CAMKK2: variants seen among roughly 807,000 people sequenced by gnomAD.
CAMKK2 encodes calcium/calmodulin-dependent protein kinase kinase 2.
CAMKK2 carries 30 observed loss-of-function variants against 67.2 expected under a neutral mutation model. The observed-to-expected ratio is 0.45, with a 90% CI of 0.33 to 0.61. CAMKK2 has a LOEUF of 0.61. Among genes scored for constraint, CAMKK2 ranks in the 20% least tolerant of loss-of-function variants. The pLI is 0.02. For missense variants in CAMKK2, 643 were observed against 802.0 expected, an observed-to-expected ratio of 0.80 and a Z score of 2.39; for synonymous variants, 322 against 326.2, an observed-to-expected ratio of 0.99 and a Z score of 0.14.
Position 121,289,915 on chromosome 12 carries a change from G to C in CAMKK2, c.-60+6723C>G, listed in dbSNP as rs559937905. Among the ~76,000 whole-genome samples, 112 of 133,414 alleles carry C rather than the reference G, an allele frequency of 8.4e-4. 1 individual carries two copies. The highest frequency in any genetic ancestry group is 3.6e-3 in the Middle Eastern group (1 of 276). 87.5% of individuals were successfully genotyped at this position (133,414 alleles called of 152,430 possible). A position where few individuals can be genotyped will look rare whatever the true frequency, so the allele number is the denominator to read the frequency against. Reference sequence around the variant, plus strand: ...CTTTAAAAAAAAAAAAAAAAAAGGCGGGGCGGGGAGCCAAGGGAGGCCTAA... The same window carrying C: ...CTTTAAAAAAAAAAAAAAAAAAGGCCGGGCGGGGAGCCAAGGGAGGCCTAA... On this transcript the variant is annotated intron_variant, in intron 1 of 16. Transcript: ENST00000404169.
chr12:121,273,004 G>A (rs1428427978), intron 2 of CAMKK2, among the ~76,000 whole-genome samples: 1 of 152,178 alleles, frequency 6.6e-6, no homozygotes, highest in Non-Finnish European at 1.5e-5. Flanking sequence ...GCTAGGCTCT[G>A]GGGATGGGAT....
Position 121,240,495 on chromosome 12 carries a change from G to A in CAMKK2, c.*204C>T, listed in dbSNP as rs143403727. On this transcript the variant is annotated 3_prime_UTR_variant, in exon 17 of 17. Transcript: ENST00000404169. The surrounding 1 kb of genome is among the most constrained non-coding windows in gnomAD (Gnocchi z 4.4). ...ACACCCGCCTGTCCAGCCAGCCAGCGGCCACGGTCGACGTCATGGAGTCAA... is the reference window on the plus strand; with the variant it reads ...ACACCCGCCTGTCCAGCCAGCCAGCAGCCACGGTCGACGTCATGGAGTCAA... The A allele has an allele frequency of 0.023, 35,243 of 1,534,858 alleles. 521 individuals carry two copies. The highest frequency in any genetic ancestry group is 0.059 in the Middle Eastern group (354 of 5,964).
chr12:121,245,055 C>A lies in CAMKK2; in HGVS notation c.1553+85G>T, dbSNP rs1013912076. On this transcript the variant is annotated intron_variant, in intron 15 of 16. Transcript: ENST00000404169. The surrounding 1 kb of genome is among the most constrained non-coding windows in gnomAD (Gnocchi z 5.8). ...CAGATGGCACCACTTCAGGGAGGAC[C>A]TGTGCAGAGTGGTCTGGGCAGGGCT... 25 of 900,622 alleles carry A rather than the reference C, an allele frequency of 2.8e-5. No homozygotes were observed. The highest frequency in any genetic ancestry group is 2.1e-5 in the Admixed American group (1 of 48,480). 55.8% of individuals were successfully genotyped at this position (900,622 alleles called of 1,614,324 possible). A position where few individuals can be genotyped will look rare whatever the true frequency, so the allele number is the denominator to read the frequency against.
rs976094695 is a variant in CAMKK2, at chr12:121,257,863, C to A, written c.797-2059G>T. On this transcript the variant is annotated intron_variant, in intron 7 of 16. Transcript: ENST00000404169. ...CTTGCAAGCTTCATGAATTTCTGCA[C>A]CATCCTCCCACCCACCCAAGCACCA... Among the ~76,000 whole-genome samples the A allele has an allele frequency of 3.9e-5, 6 of 152,080 alleles. No individual in the cohort carries two copies. In the South Asian group the frequency reaches 8.3e-4, roughly 21 times the overall value.
chr12:121,257,249 C>CT (rs199805251), intron 7 of CAMKK2, among the ~76,000 whole-genome samples: 39,579 of 143,830 alleles, frequency 0.28, 5,754 homozygotes, highest in East Asian at 0.47. Flanking sequence ...ATTAAAAAAA[C>CT]TTTTTTTTTT....
At chr12:121,278,539 T>C (rs771483596) in intron 1 of CAMKK2, among the ~76,000 whole-genome samples, 1 of 152,228 alleles carries the variant, frequency 6.6e-6, no homozygotes, top group African/African-American at 2.4e-5. Context: ...TGGGAGATAA[T>C]TGAATCACGG....
At chr12:121,272,364 T>G (rs745743911) in intron 2 of CAMKK2, among the ~76,000 whole-genome samples, 1 of 152,152 alleles carries the variant, frequency 6.6e-6, no homozygotes, top group African/African-American at 2.4e-5. Flanking sequence ...ACTACAGATA[T>G]ACGCCACAAC....
At chr12:121,246,541 C>T (rs1889515893) in intron 14 of CAMKK2, among the ~76,000 whole-genome samples, 1 of 151,406 alleles carries the variant, frequency 6.6e-6, no homozygotes, top group Non-Finnish European at 1.5e-5. Flanking sequence ...AGCAAAACTC[C>T]ATCTCAAAAA....
intron 1 of CAMKK2, among the ~76,000 whole-genome samples, chr12:121,288,103 T>C (rs572757062): frequency 6.6e-6 from 1 of 152,304 alleles, no homozygotes; most frequent in East Asian, 1.9e-4. Flanking sequence ...GGGAGGTATT[T>C]GGAAATAAAG....
chr12:121,267,692 C>G (rs891156997), intron 5 of CAMKK2, among the ~76,000 whole-genome samples: 20 of 151,752 alleles, frequency 1.3e-4, no homozygotes, highest in Non-Finnish European at 2.8e-4. Flanking sequence ...AGGGCTTCAC[C>G]ATGTTGGGCC....
intron 7 of CAMKK2, among the ~76,000 whole-genome samples, chr12:121,258,767 ATG>A (rs750411432): frequency 6.6e-6 from 1 of 151,284 alleles, no homozygotes; most frequent in Non-Finnish European, 1.5e-5. Flanking sequence ...GGCTTGGACC[ATG>A]TTCTCTTTAT....
chr12:121,278,788 G>A (rs761501006), intron 1 of CAMKK2, among the ~76,000 whole-genome samples: 1 of 152,238 alleles, frequency 6.6e-6, no homozygotes. Context: ...GTCTTTATCA[G>A]CAGCGTGAAA....
At chr12:121,293,291 G>C (rs1379128885) in intron 1 of CAMKK2, among the ~76,000 whole-genome samples, 1 of 151,934 alleles carries the variant, frequency 6.6e-6, no homozygotes, top group Non-Finnish European at 1.5e-5. Context: ...GAAAAGAAAA[G>C]AAACAAAGCA....
chr12:121,285,122 T>C lies in CAMKK2; in HGVS notation c.-59-10537A>G, dbSNP rs1593489080. ...CATATGAGAGGTGGCCCTACAGGGC[T>C]GACCCCACCATCAGCTTCAGAGATT... On this transcript the variant is annotated intron_variant, in intron 1 of 16. Transcript: ENST00000404169. The surrounding 1 kb of genome is among the most constrained non-coding windows in gnomAD (Gnocchi z 4.1). Among the ~76,000 whole-genome samples the C allele has an allele frequency of 6.6e-6, 1 of 152,264 alleles. No individual in the cohort carries two copies. Among genetic ancestry groups the C allele is most frequent in the East Asian group, 1.9e-4 (1 of 5,206 alleles).
rs1050839450 is a variant in CAMKK2 at position 121,255,865 on chromosome 12, C to G, written c.797-61G>C. ...AAACTGAACATCCATCTCTCTCTGT[C>G]CTCCCCACCTCCCAACCACCTCCAG... On this transcript the variant is annotated intron_variant, in intron 7 of 16. Transcript: ENST00000404169. 7 of 1,467,074 alleles carry G rather than the reference C, an allele frequency of 4.8e-6. No individual in the cohort carries two copies. The African/African-American group carries it at 6.9e-5, about 15-fold the overall frequency. The allele number at this position is 1,467,074 out of a possible 1,614,324, so 90.9% of individuals were successfully genotyped here.
chr12:121,249,521 G>C (rs917919213), intron 13 of CAMKK2, among the ~76,000 whole-genome samples: 5 of 152,138 alleles, frequency 3.3e-5, no homozygotes, highest in African/African-American at 7.2e-5. Flanking sequence ...CCGGTCTGCA[G>C]AGGGTGGATC....
At chr12:121,287,551 G>A (rs1899001801) in intron 1 of CAMKK2, among the ~76,000 whole-genome samples, 1 of 152,144 alleles carries the variant, frequency 6.6e-6, no homozygotes, top group African/African-American at 2.4e-5. Context: ...CACAGAGTAA[G>A]CAGTTCCCCT....
intron 6 of CAMKK2, among the ~76,000 whole-genome samples, chr12:121,262,077 C>T (rs925551233): frequency 1.3e-5 from 2 of 152,170 alleles, no homozygotes; most frequent in Non-Finnish European, 2.9e-5. Context: ...TTTCCAGAAA[C>T]CTGATGATAT....
In CAMKK2 at chr12:121,245,209, G is replaced by T; in HGVS notation, c.1484C>A (p.Ser495Tyr). The T allele has an allele frequency of 6.2e-7, 1 of 1,608,158 alleles. No homozygotes were observed. Among genetic ancestry groups the T allele is most frequent in the Non-Finnish European group, 8.5e-7 (1 of 1,176,942 alleles). The change falls in exon 15 of 17, where the codon TCC becomes TAC. Residue 495 changes from serine (S) to tyrosine (Y), a missense_variant. Physicochemically the swap from Ser to Tyr is moderately radical, Grantham distance 144. Around this residue, in one of 3 missense-constraint regions of CAMKK2, gnomAD observed 20 missense variants for 52.0 expected, o/e 0.38. Coordinates refer to ENST00000404169, the MANE Select transcript of CAMKK2 (RefSeq NM_001270485.2). The surrounding 1 kb of genome is among the most constrained non-coding windows in gnomAD (Gnocchi z 5.8). ...GCTGCCCTCGAATGGGTTCCCAAAG[G>T]AGCGTTTACGTATCATGGTCTTCAC... ...ILVKTMIRKR[S>Y]FGNPFEGSRR...
Sources: gnomAD v4.1 joint callset for allele counts (sites outside exome capture counted in the v4.1 genomes callset) on GRCh38, gnomAD v4.1.1 for gene constraint, gnomAD v4.1.1 regional missense constraint, Gnocchi (gnomAD v3.1) non-coding constraint, MANE v1.5 for transcripts, NCBI Gene and HGNC (gene_info 2026-07-23, HGNC 2026-07-21) for gene names.